FGD4: variants seen among roughly 807,000 people sequenced by gnomAD.
FGD4 encodes FYVE, RhoGEF and PH domain containing 4.
FGD4 carries 42 observed loss-of-function variants against 102.0 expected under a neutral mutation model. The observed-to-expected ratio is 0.41, with a 90% CI of 0.32 to 0.53. The LOEUF is 0.53. FGD4 is among the 20% of genes least tolerant of loss of function. FGD4 has a pLI of 0.21. For synonymous variants in FGD4, 380 were observed against 375.7 expected, an observed-to-expected ratio of 1.01 and a Z score of -0.13; for missense variants, 902 against 1,078.2, an observed-to-expected ratio of 0.84 and a Z score of 2.29.
intron 2 of FGD4, among the ~76,000 whole-genome samples, chr12:32,565,121 T>C (rs1945075740): frequency 6.6e-6 from 1 of 152,246 alleles, no homozygotes; most frequent in Admixed American, 6.5e-5. Context: ...GTTTACTTAG[T>C]TCTCTTTCCT....
rs183268578 is a variant in FGD4, at chr12:32,414,823, A to G, written c.166+14864A>G. Reference sequence around the variant, plus strand: ...TGCTCTGATCTTTATTGTTTGTTCTAATTTTGGGTTCGGTTTGCTCTTGCT... The same window carrying G: ...TGCTCTGATCTTTATTGTTTGTTCTGATTTTGGGTTCGGTTTGCTCTTGCT... On this transcript the variant is annotated intron_variant, in intron 1 of 16. Coordinates refer to ENST00000534526, the MANE Select transcript of FGD4 (RefSeq NM_001370298.3). 4.8e-3 allele frequency among the ~76,000 whole-genome samples: 726 copies of G among 152,186 alleles called. 5 individuals are homozygous for G. Among genetic ancestry groups the G allele is most frequent in the African/African-American group, 0.013 (538 of 41,528 alleles).
In FGD4 at chr12:32,464,396, G is replaced by A. The variant is rs183421784; in HGVS notation, c.166+64437G>A. On this transcript the variant is annotated intron_variant, in intron 1 of 16. Coordinates refer to ENST00000534526, the MANE Select transcript of FGD4 (RefSeq NM_001370298.3). Reference sequence around the variant, plus strand: ...TCGAACTCCTGAGCTCCAGCAATCCGCCCACCTCGGTCTCCCAAAGTGCTA... The same window carrying A: ...TCGAACTCCTGAGCTCCAGCAATCCACCCACCTCGGTCTCCCAAAGTGCTA... Among the ~76,000 whole-genome samples the A allele has an allele frequency of 2.9e-4, 44 of 152,028 alleles. 1 individual carries two copies. In the East Asian group the frequency reaches 8.5e-3, roughly 29 times the overall value.
chr12:32,600,182 T>C (rs567947299), intron 5 of FGD4, among the ~76,000 whole-genome samples: 1 of 152,350 alleles, frequency 6.6e-6, no homozygotes, highest in East Asian at 1.9e-4. Flanking sequence ...ATGAAGTTTG[T>C]ACCTTTGAAA....
intron 1 of FGD4, among the ~76,000 whole-genome samples, chr12:32,461,107 A>G (rs1343687206): frequency 6.6e-6 from 1 of 152,228 alleles, no homozygotes; most frequent in Non-Finnish European, 1.5e-5. Context: ...CTTATTCATC[A>G]TGTTGAAAGT....
intron 1 of FGD4, among the ~76,000 whole-genome samples, chr12:32,463,668 C>A (rs908611145): frequency 2.0e-5 from 3 of 152,164 alleles, no homozygotes; most frequent in African/African-American, 4.8e-5. Context: ...ATAGGGGGAG[C>A]AGGTGGTGCC....
In FGD4 at chr12:32,598,430, G is replaced by A. The variant is rs10437768; in HGVS notation, c.1012-67G>A. The A allele has an allele frequency of 3.9e-3, 4,412 of 1,139,586 alleles. 139 individuals carry two copies. In the African/African-American group the frequency reaches 0.062, roughly 16 times the overall value. 70.6% of individuals were successfully genotyped at this position (1,139,586 alleles called of 1,614,324 possible). A position where few individuals can be genotyped will look rare whatever the true frequency, so the allele number is the denominator to read the frequency against. On this transcript the variant is annotated intron_variant, in intron 4 of 16. Coordinates refer to ENST00000534526, the MANE Select transcript of FGD4 (RefSeq NM_001370298.3). Reference sequence around the variant, plus strand: ...TTTTGATCAAATCATTTGAAGAAGCGTTTTTTACTTTAGAAATATTGTCCA... The same window carrying A: ...TTTTGATCAAATCATTTGAAGAAGCATTTTTTACTTTAGAAATATTGTCCA...
intron 1 of FGD4, among the ~76,000 whole-genome samples, chr12:32,526,746 A>G (rs1333879557): frequency 6.6e-6 from 1 of 152,138 alleles, no homozygotes; most frequent in Non-Finnish European, 1.5e-5. Context: ...CTCACCGCGA[A>G]GATCTGCAGC....
chr12:32,541,233 A>G (rs1372766108), intron 1 of FGD4, among the ~76,000 whole-genome samples: 2 of 152,226 alleles, frequency 1.3e-5, no homozygotes, highest in Non-Finnish European at 2.9e-5. Flanking sequence ...TTAGAAGCCT[A>G]ACACACAATG....
rs1946664694 is a variant in FGD4 at position 32,582,127 on chromosome 12, C to CCG, written c.671_672insCG (p.Cys225ValfsTer7). ...ACAGATAAGACTCAGGGTGCACAGA[C>CCG]TTGTGTGGCCAACGGTGTAATGGCA... On this transcript the variant is annotated frameshift_variant, in exon 4 of 17. Coordinates refer to ENST00000534526, the MANE Select transcript of FGD4 (RefSeq NM_001370298.3). LOFTEE classifies it high-confidence loss of function. 1 of 1,614,120 alleles carries CCG rather than the reference C, an allele frequency of 6.2e-7. No individual in the cohort carries two copies. The highest frequency in any genetic ancestry group is 8.5e-7 in the Non-Finnish European group (1 of 1,180,058).
intron 1 of FGD4, among the ~76,000 whole-genome samples, chr12:32,471,280 G>T (rs1490931123): frequency 6.6e-6 from 1 of 152,084 alleles, no homozygotes; most frequent in Admixed American, 6.5e-5. Context: ...CCAGTTATGG[G>T]ACTTCTGGGC....
At chr12:32,486,905 T>C (rs1244871250) in intron 1 of FGD4, among the ~76,000 whole-genome samples, 1 of 152,212 alleles carries the variant, frequency 6.6e-6, no homozygotes, top group Non-Finnish European at 1.5e-5. Context: ...AAGTATAAGC[T>C]ACTGTAACAT....
At chr12:32,437,242 G>A (rs1942264099) in intron 1 of FGD4, among the ~76,000 whole-genome samples, 1 of 152,066 alleles carries the variant, frequency 6.6e-6, no homozygotes, top group South Asian at 2.1e-4. Context: ...ACAAAACATA[G>A]GATGACTTCA....
chr12:32,466,098 G>T (rs1263323215), intron 1 of FGD4, among the ~76,000 whole-genome samples: 1 of 152,140 alleles, frequency 6.6e-6, no homozygotes, highest in African/African-American at 2.4e-5. Context: ...TTTAATTAAG[G>T]ATGTCGATTG....
chr12:32,484,560 G>A (rs1312955690), intron 1 of FGD4, among the ~76,000 whole-genome samples: 1 of 152,130 alleles, frequency 6.6e-6, no homozygotes, highest in Non-Finnish European at 1.5e-5. Flanking sequence ...CATCTGTTAT[G>A]TGATAAATTA....
chr12:32,480,416 C>T (rs1565766469), intron 1 of FGD4, among the ~76,000 whole-genome samples: 1 of 152,074 alleles, frequency 6.6e-6, no homozygotes, highest in Admixed American at 6.5e-5. Context: ...CCCACTTCGG[C>T]CTCCCAAAGT....
At chr12:32,434,673 G>A (rs1942164987) in intron 1 of FGD4, among the ~76,000 whole-genome samples, 1 of 152,080 alleles carries the variant, frequency 6.6e-6, no homozygotes, top group African/African-American at 2.4e-5. Context: ...CCTTCTCATT[G>A]CTTTATGCTA....
At chr12:32,529,203 C>T (rs895484771) in intron 1 of FGD4, among the ~76,000 whole-genome samples, 8 of 152,144 alleles carry the variant, frequency 5.3e-5, no homozygotes, top group African/African-American at 1.9e-4. Context: ...CAACCTCCGC[C>T]TCCCAGATTC....
Position 32,585,257 on chromosome 12 carries a change from TG to T in FGD4, c.1011+2791del, listed in dbSNP as rs1946932852. ...ATATATATATATATATATATATATA[TG>T]TATATCTTAAAGGCAACTTTTCTTT... On this transcript the variant is annotated intron_variant, in intron 4 of 16. Transcript: ENST00000534526. 2.2e-5 allele frequency among the ~76,000 whole-genome samples: 3 copies of T among 137,546 alleles called. No individual in the cohort carries two copies. The South Asian group carries it at 6.8e-4, about 31-fold the overall frequency. The allele number at this position is 137,546 out of a possible 152,430, so 90.2% of individuals were successfully genotyped here.
intron 1 of FGD4, among the ~76,000 whole-genome samples, chr12:32,439,971 G>A (rs189784410): frequency 6.6e-6 from 1 of 152,074 alleles, no homozygotes. Context: ...ACATTTTTTA[G>A]CTCCAGAACT....
Sources: gnomAD v4.1 joint callset for allele counts (sites outside exome capture counted in the v4.1 genomes callset) on GRCh38, gnomAD v4.1.1 for gene constraint, MANE v1.5 for transcripts, NCBI Gene and HGNC (gene_info 2026-07-23, HGNC 2026-07-21) for gene names.